ZHX2: variants seen among roughly 807,000 people sequenced by gnomAD.
The protein encoded by ZHX2 is zinc fingers and homeoboxes 2.
ZHX2 carries 6 observed loss-of-function variants against 21.9 expected under a neutral mutation model. The ratio of observed to expected loss-of-function variants is 0.27; its 90% CI spans 0.15 to 0.54. ZHX2 has a LOEUF of 0.54. Ranked by LOEUF, ZHX2 falls within the 20% of genes least tolerant of loss-of-function variation. The pLI, the probability that ZHX2 is intolerant of heterozygous loss-of-function variation, is 0.95. For synonymous variants in ZHX2, 434 were observed against 437.1 expected (o/e 0.99, Z 0.09); for missense variants, 908 against 1,090.7 (o/e 0.83, Z 2.36).
intron 2 of ZHX2, among the ~76,000 whole-genome samples, chr8:122,894,816 C>T (rs746323871): frequency 1.8e-4 from 28 of 151,956 alleles, no homozygotes; most frequent in Admixed American, 3.9e-4. Flanking sequence ...AAAAAAAATC[C>T]ATCTTAGTAT....
At chr8:122,889,329 T>C (rs1819921578) in intron 2 of ZHX2, among the ~76,000 whole-genome samples, 1 of 152,206 alleles carries the variant, frequency 6.6e-6, no homozygotes, top group Admixed American at 6.5e-5. Context: ...GCTGTACTAA[T>C]TTACATTCCT....
At chr8:122,864,494 T>C (rs1819238948) in intron 2 of ZHX2, among the ~76,000 whole-genome samples, 1 of 151,958 alleles carries the variant, frequency 6.6e-6, no homozygotes. Context: ...AGAGTTTTGC[T>C]CAGAGGCTCT....
At chr8:122,898,370 T>C (rs1289520311) in intron 2 of ZHX2, among the ~76,000 whole-genome samples, 4 of 152,186 alleles carry the variant, frequency 2.6e-5, no homozygotes, top group Non-Finnish European at 5.9e-5. Flanking sequence ...GGGAAATTGC[T>C]GTTCATCCTG....
intron 2 of ZHX2, among the ~76,000 whole-genome samples, chr8:122,932,906 T>C (rs1821029195): frequency 6.6e-6 from 1 of 152,084 alleles, no homozygotes; most frequent in African/African-American, 2.4e-5. Flanking sequence ...GGTTTGAATC[T>C]GAGTGGTTTT....
In ZHX2 at chr8:122,951,992, A is replaced by T; in HGVS notation, c.482A>T (p.His161Leu). ...GAACAGTCCATCGAAACCACCAACC[A>T]TGTCGTGTCCATCACCACCAGTGGC... Reference protein sequence around the residue: ...VLEQSIETTNHVVSITTSGPG... With the variant: ...VLEQSIETTNLVVSITTSGPG... The change falls in exon 3 of 4, where the codon CAT becomes CTT. Residue 161 changes from histidine to leucine, a missense_variant. Around this residue, in one of 4 missense-constraint regions of ZHX2, gnomAD observed 220 missense variants for 251.4 expected, o/e 0.88. Transcript: ENST00000314393. 6.2e-7 allele frequency: 1 copy of T among 1,613,636 alleles called. No homozygotes were observed. Among genetic ancestry groups the T allele is most frequent in the South Asian group, 1.1e-5 (1 of 91,044 alleles).
chr8:122,816,136 C>T (rs574268381), intron 1 of ZHX2, among the ~76,000 whole-genome samples: 1 of 150,994 alleles, frequency 6.6e-6, no homozygotes, highest in South Asian at 2.1e-4. Context: ...TCAGCAACCA[C>T]CACTCTGATC....
intron 2 of ZHX2, among the ~76,000 whole-genome samples, chr8:122,900,899 C>A (rs1426797379): frequency 6.6e-6 from 1 of 152,188 alleles, no homozygotes; most frequent in Non-Finnish European, 1.5e-5. Context: ...ACTCTCCTGG[C>A]ACACTGCAGT....
intron 1 of ZHX2, among the ~76,000 whole-genome samples, chr8:122,806,438 G>C (rs1167415472): frequency 1.3e-5 from 2 of 152,224 alleles, no homozygotes; most frequent in African/African-American, 4.8e-5. Context: ...GCCCGGGTCA[G>C]TTTGTATGCA....
At chr8:122,804,389 G>A (rs1468637681) in intron 1 of ZHX2, among the ~76,000 whole-genome samples, 7 of 152,164 alleles carry the variant, frequency 4.6e-5, no homozygotes, top group African/African-American at 7.2e-5. Context: ...GATTACAGAC[G>A]TAAGCCACCA....
rs147723685 is a variant in ZHX2, at chr8:122,816,036, C to T, written c.-283+34090C>T. 9.2e-3 allele frequency among the ~76,000 whole-genome samples: 1,362 copies of T among 148,436 alleles called. 12 individuals are homozygous for T. The highest frequency in any genetic ancestry group is 0.029 in the African/African-American group (1,177 of 40,086). On this transcript the variant is annotated intron_variant, in intron 1 of 3. Coordinates refer to ENST00000314393, the MANE Select transcript of ZHX2 (RefSeq NM_014943.5). ...CGGAGGTTGCAGTGAGCCAAGATCA[C>T]GCCACCACACTCCAGCCTGGGCGAC...
At chr8:122,879,971 C>A (rs1285961207) in intron 2 of ZHX2, among the ~76,000 whole-genome samples, 1 of 120,570 alleles carries the variant, frequency 8.3e-6, no homozygotes, top group East Asian at 2.8e-4. Flanking sequence ...TCTATTGTTA[C>A]CTTTTTTTTT....
At chr8:122,783,373 T>C (rs1020991986) in intron 1 of ZHX2, among the ~76,000 whole-genome samples, 10 of 152,160 alleles carry the variant, frequency 6.6e-5, no homozygotes, top group African/African-American at 2.4e-4. Flanking sequence ...TCTGTTAAGT[T>C]ACCAGATCTC....
At chr8:122,885,751 C>T (rs538460092) in intron 2 of ZHX2, among the ~76,000 whole-genome samples, 1 of 152,154 alleles carries the variant, frequency 6.6e-6, no homozygotes, top group East Asian at 1.9e-4. Flanking sequence ...GTTATCTGGC[C>T]CAAAATATCA....
At chr8:122,894,357 C>T (rs1051446639) in intron 2 of ZHX2, among the ~76,000 whole-genome samples, 1 of 152,214 alleles carries the variant, frequency 6.6e-6, no homozygotes, top group Admixed American at 6.5e-5. Flanking sequence ...TCCAGCTGCC[C>T]TGCCTGACAT....
At chr8:122,869,654 C>G (rs1256389868) in intron 2 of ZHX2, among the ~76,000 whole-genome samples, 1 of 152,230 alleles carries the variant, frequency 6.6e-6, no homozygotes, top group African/African-American at 2.4e-5. Flanking sequence ...AGGCTCTGGT[C>G]TCCTCTCTGA....
intron 2 of ZHX2, among the ~76,000 whole-genome samples, chr8:122,942,558 G>C (rs1812873018): frequency 6.6e-6 from 1 of 152,162 alleles, no homozygotes; most frequent in Admixed American, 6.5e-5. Flanking sequence ...GTAGACCCCT[G>C]GGATCCCGGC....
intron 2 of ZHX2, among the ~76,000 whole-genome samples, chr8:122,890,572 A>G (rs1274677751): frequency 6.6e-6 from 1 of 152,150 alleles, no homozygotes; most frequent in African/African-American, 2.4e-5. Context: ...AACAATACTA[A>G]TTCTTCTAAT....
intron 2 of ZHX2, among the ~76,000 whole-genome samples, chr8:122,885,475 A>G (rs1016743880): frequency 6.6e-6 from 1 of 152,016 alleles, no homozygotes; most frequent in African/African-American, 2.4e-5. Flanking sequence ...CCTAGAGCGT[A>G]GGAGTTTTCT....
rs554895035 is a variant in ZHX2, at chr8:122,794,504, T to G, written c.-283+12558T>G. 5.9e-5 allele frequency among the ~76,000 whole-genome samples: 9 copies of G among 152,080 alleles called. No homozygotes were observed. The South Asian group carries it at 1.9e-3, about 32-fold the overall frequency. On this transcript the variant is annotated intron_variant, in intron 1 of 3. Coordinates refer to ENST00000314393, the MANE Select transcript of ZHX2 (RefSeq NM_014943.5). Reference sequence around the variant, plus strand: ...CAGGTAGCATAAAAGAGTGAAGGGGTCAAGGGTAGAATAGTAGGAAGCAGT... The same window carrying G: ...CAGGTAGCATAAAAGAGTGAAGGGGGCAAGGGTAGAATAGTAGGAAGCAGT...
Sources: allele counts gnomAD v4.1 joint callset (sites outside exome capture counted in the v4.1 genomes callset), GRCh38; gene constraint gnomAD v4.1.1; regional missense constraint gnomAD v4.1.1; transcripts MANE v1.5; gene names NCBI Gene and HGNC (gene_info 2026-07-23, HGNC 2026-07-21).